The following EIF4G3 variants were observed in gnomAD, a reference collection of about 807,000 sequenced individuals.
EIF4G3 encodes eIF-4-gamma 3.
In EIF4G3, 34 loss-of-function variants were observed where a neutral mutation model predicts 186.4. That is an observed-to-expected ratio of 0.18 (90% CI 0.14 to 0.24). EIF4G3 has a LOEUF of 0.24. Ranked by LOEUF, EIF4G3 falls within the 10% of genes least tolerant of loss-of-function variation. The pLI, the probability that EIF4G3 is intolerant of heterozygous loss-of-function variation, is 1.00. For synonymous variants in EIF4G3, 673 were observed against 679.5 expected (o/e 0.99, Z 0.15); for missense variants, 1,536 against 1,948.5 (o/e 0.79, Z 3.99).
At chr1:21,087,308 T>G (rs554301991) in intron 3 of EIF4G3, among the ~76,000 whole-genome samples, 116 of 152,332 alleles carry the variant, frequency 7.6e-4, no homozygotes, top group African/African-American at 2.6e-3. Context: ...TATTATTAGC[T>G]TCATCCTCTA....
At chr1:21,069,763 A>C (rs1434773685) in intron 3 of EIF4G3, among the ~76,000 whole-genome samples, 1 of 152,224 alleles carries the variant, frequency 6.6e-6, no homozygotes, top group South Asian at 2.1e-4. Context: ...AGGAATTTTT[A>C]CCGGGGGAGA....
At chr1:21,029,445 G>A (rs2092523306) in intron 4 of EIF4G3, among the ~76,000 whole-genome samples, 1 of 151,826 alleles carries the variant, frequency 6.6e-6, no homozygotes. Flanking sequence ...ACGAGAACTG[G>A]GAAGAAAGAG....
At chr1:20,992,824 AACTTTAAACCAGAACT>A (rs2081410486) in intron 7 of EIF4G3, among the ~76,000 whole-genome samples, 1 of 152,178 alleles carries the variant, frequency 6.6e-6, no homozygotes, top group African/African-American at 2.4e-5. Context: ...GAACATAAGT[AACTTTAAACCAGAACT>A]ACACAGATTT....
rs374278206 is a variant in EIF4G3, at chr1:21,024,255, G to A, written c.-66-21447C>T. Among the ~76,000 whole-genome samples, 58 of 151,020 alleles carry A rather than the reference G, an allele frequency of 3.8e-4. No homozygotes were observed. In the East Asian group the frequency reaches 9.4e-3, roughly 24 times the overall value. The stretch of plus-strand genomic sequence containing the variant: ...CCCCGCCCGGCCAGCCGCCCCGTCC[G>A]GGAGGTGAGGGGCGCCTCTGCCCGG... On this transcript the variant is annotated intron_variant, in intron 4 of 36. Coordinates refer to ENST00000602326, the MANE Select transcript of EIF4G3 (RefSeq NM_001391906.1).
At chr1:20,930,256 T>TA (rs777264435) in intron 14 of EIF4G3, among the ~76,000 whole-genome samples, 3 of 152,286 alleles carry the variant, frequency 2.0e-5, no homozygotes, top group East Asian at 3.9e-4. Context: ...TTTCTTAAAA[T>TA]AAGACAACAA....
intron 4 of EIF4G3, among the ~76,000 whole-genome samples, chr1:21,015,401 A>G (rs1178826541): frequency 6.6e-6 from 1 of 152,136 alleles, no homozygotes; most frequent in Non-Finnish European, 1.5e-5. Context: ...ACATGGATAT[A>G]TGATAGCAAG....
intron 3 of EIF4G3, among the ~76,000 whole-genome samples, chr1:21,086,199 CTTTTTTTTTTTT>C (rs397979515): frequency 1.1e-5 from 1 of 95,222 alleles, no homozygotes; most frequent in African/African-American, 4.3e-5. Context: ...ACATGATACT[CTTTTTTTTTTTT>C]TTTTTTTTTT....
At chr1:21,120,197 T>C (rs1269442403) in intron 2 of EIF4G3, among the ~76,000 whole-genome samples, 1 of 150,922 alleles carries the variant, frequency 6.6e-6, no homozygotes, top group African/African-American at 2.4e-5. Context: ...TTACATAATC[T>C]ATAAATTTAC....
intron 2 of EIF4G3, among the ~76,000 whole-genome samples, chr1:21,092,160 C>T (rs796497252): frequency 6.6e-5 from 10 of 152,092 alleles, no homozygotes; most frequent in South Asian, 2.1e-4. Flanking sequence ...TTTTGAGATA[C>T]GTCCCATCAA....
At chr1:21,107,342 AT>A (rs1469646442) in intron 2 of EIF4G3, among the ~76,000 whole-genome samples, 1 of 151,780 alleles carries the variant, frequency 6.6e-6, no homozygotes, top group African/African-American at 2.4e-5. Context: ...TGCCCAGCTA[AT>A]TTTTTTGTAT....
chr1:20,944,002 G>A (rs1467408052), intron 13 of EIF4G3, among the ~76,000 whole-genome samples: 2 of 148,740 alleles, frequency 1.3e-5, no homozygotes, highest in Non-Finnish European at 3.0e-5. Context: ...GTGTGTGTGT[G>A]TGTGTGTGTG....
Position 20,996,109 on chromosome 1 carries a change from A to G in EIF4G3, c.177+1492T>C, listed in dbSNP as rs11801459. Reference sequence around the variant, plus strand: ...ATAAGAAACTAATATTTTTATTATTAGTAGTAGTAATACTAATTCTATGTC... The same window carrying G: ...ATAAGAAACTAATATTTTTATTATTGGTAGTAGTAATACTAATTCTATGTC... On this transcript the variant is annotated intron_variant, in intron 7 of 36. Coordinates refer to ENST00000602326, the MANE Select transcript of EIF4G3 (RefSeq NM_001391906.1). Among the ~76,000 whole-genome samples the G allele has an allele frequency of 7.0e-3, 1,066 of 152,312 alleles. 16 individuals carry two copies. Among genetic ancestry groups the G allele is most frequent in the African/African-American group, 0.024 (984 of 41,552 alleles).
intron 2 of EIF4G3, among the ~76,000 whole-genome samples, chr1:21,137,128 C>T (rs1184022502): frequency 7.0e-6 from 1 of 143,780 alleles, no homozygotes; most frequent in African/African-American, 2.6e-5. Context: ...TATTACTTTG[C>T]TTTTGTTTGT....
At chr1:21,143,709 A>T (rs772807111) in intron 2 of EIF4G3, among the ~76,000 whole-genome samples, 2 of 152,196 alleles carry the variant, frequency 1.3e-5, no homozygotes, top group Non-Finnish European at 2.9e-5. Context: ...ACTTGAGGCC[A>T]GGAGTTTGGG....
intron 14 of EIF4G3, among the ~76,000 whole-genome samples, chr1:20,938,284 C>T (rs1025755964): frequency 6.6e-6 from 1 of 152,170 alleles, no homozygotes; most frequent in Admixed American, 6.5e-5. Context: ...CATGAGCCAC[C>T]GCGCCCGGCC....
intron 2 of EIF4G3, among the ~76,000 whole-genome samples, chr1:21,131,580 CAAG>C (rs1029973058): frequency 2.0e-5 from 3 of 151,884 alleles, no homozygotes; most frequent in African/African-American, 7.2e-5. Flanking sequence ...ATGAAGGCAG[CAAG>C]AAGAAGAAAA....
At chr1:20,853,910 T>C (rs751457430) in intron 26 of EIF4G3, among the ~76,000 whole-genome samples, 63 of 152,224 alleles carry the variant, frequency 4.1e-4, no homozygotes, top group East Asian at 1.9e-4. Context: ...TTTAAAAACA[T>C]AGTAAACAGG....
At chr1:20,915,806 G>A (rs2093797189) in intron 14 of EIF4G3, among the ~76,000 whole-genome samples, 1 of 152,262 alleles carries the variant, frequency 6.6e-6, no homozygotes, top group South Asian at 2.1e-4. Flanking sequence ...ATCAGAACAA[G>A]ACAATGTTTA....
At chr1:21,146,155 A>G (rs1332154843) in intron 2 of EIF4G3, among the ~76,000 whole-genome samples, 1 of 152,132 alleles carries the variant, frequency 6.6e-6, no homozygotes, top group African/African-American at 2.4e-5. Context: ...GGAATCGCAG[A>G]CCAGTCTGAG....
Sources: allele counts gnomAD v4.1 joint callset (sites outside exome capture counted in the v4.1 genomes callset), GRCh38; gene constraint gnomAD v4.1.1; transcripts MANE v1.5; gene names NCBI Gene and HGNC (gene_info 2026-07-23, HGNC 2026-07-21).